Variants in LRP5 observed in about 807,000 individuals in gnomAD.
LRP5 encodes the protein low-density lipoprotein receptor-related protein 5.
LRP5 carries 62 observed loss-of-function variants against 154.1 expected under a neutral mutation model. The ratio of observed to expected loss-of-function variants is 0.40; its 90% CI spans 0.33 to 0.50. The LOEUF (loss-of-function observed/expected upper bound fraction) is 0.50. Among genes scored for constraint, LRP5 ranks in the 20% least tolerant of loss-of-function variants. The pLI, the probability that LRP5 is intolerant of heterozygous loss-of-function variation, is 0.55. For synonymous variants in LRP5, 966 were observed against 1,011.5 expected, an observed-to-expected ratio of 0.96 and a Z score of 0.85; for missense variants, 1,915 against 2,336.7, an observed-to-expected ratio of 0.82 and a Z score of 3.72.
At chr11:68,323,220 TGCCTCA>T (rs2098597746) in intron 1 of LRP5, among the ~76,000 whole-genome samples, 1 of 152,022 alleles carries the variant, frequency 6.6e-6, no homozygotes, top group Non-Finnish European at 1.5e-5. Flanking sequence ...GCAGTTCTCC[TGCCTCA>T]GCTTCCTGAG....
chr11:68,441,726 A>G (rs892318223), intron 21 of LRP5, among the ~76,000 whole-genome samples: 4 of 152,212 alleles, frequency 2.6e-5, no homozygotes, highest in Non-Finnish European at 4.4e-5. Flanking sequence ...CTGAGCAGCC[A>G]GCTAATTTTT....
intron 17 of LRP5, among the ~76,000 whole-genome samples, chr11:68,433,358 C>T (rs975817654): frequency 2.0e-5 from 3 of 152,206 alleles, no homozygotes; most frequent in African/African-American, 4.8e-5. Flanking sequence ...GAAAAACATA[C>T]GGATGCATGT....
intron 1 of LRP5, among the ~76,000 whole-genome samples, chr11:68,343,736 C>T (rs926821456): frequency 3.3e-5 from 5 of 152,158 alleles, no homozygotes; most frequent in Non-Finnish European, 5.9e-5. Flanking sequence ...CCCCTCCTGC[C>T]CTCAGGCCTC....
intron 1 of LRP5, among the ~76,000 whole-genome samples, chr11:68,346,649 C>T (rs541674806): frequency 4.6e-5 from 7 of 152,328 alleles, no homozygotes; most frequent in South Asian, 4.1e-4. Context: ...CCCCCATCTG[C>T]GCAGGAGGAC....
upstream of LRP5, among the ~76,000 whole-genome samples, chr11:68,311,234 T>C (rs1462841288): frequency 1.3e-5 from 2 of 152,198 alleles, no homozygotes; most frequent in African/African-American, 4.8e-5. Flanking sequence ...GTGGGGTGCA[T>C]TCTCGATTCC....
intron 17 of LRP5, among the ~76,000 whole-genome samples, chr11:68,432,595 T>G (rs757861654): frequency 3.3e-5 from 5 of 152,206 alleles, no homozygotes; most frequent in Non-Finnish European, 5.9e-5. Flanking sequence ...GAAACCGATG[T>G]TTTTTACCTT....
chr11:68,380,865 C>T (rs1364833609), intron 5 of LRP5, among the ~76,000 whole-genome samples: 3 of 152,256 alleles, frequency 2.0e-5, no homozygotes, highest in Non-Finnish European at 4.4e-5. Context: ...TCCACTGAAG[C>T]GCTCCTCTTA....
intron 21 of LRP5, chr11:68,445,738 T>C: frequency 8.9e-7 from 1 of 1,128,938 alleles, no homozygotes; most frequent in Non-Finnish European, 1.2e-6. Context: ...CCTTCCTCCC[T>C]TTGTAGGGCT....
intron 3 of LRP5, among the ~76,000 whole-genome samples, chr11:68,359,069 T>C (rs2098625559): frequency 1.3e-5 from 2 of 152,228 alleles, no homozygotes; most frequent in Admixed American, 1.3e-4. Flanking sequence ...GTGTTAGTTA[T>C]CCATTGCTGT....
chr11:68,427,975 T>TTTTATTTTA (rs2098669784), intron 16 of LRP5, among the ~76,000 whole-genome samples: 2 of 43,420 alleles, frequency 4.6e-5, no homozygotes, highest in African/African-American at 1.2e-4. Context: ...ATTTTATTTT[T>TTTTATTTTA]TTTATTTATT....
the LRP5 span, among the ~76,000 whole-genome samples, chr11:68,299,360 G>A: frequency 6.6e-6 from 1 of 152,208 alleles, no homozygotes; most frequent in African/African-American, 2.4e-5. Context: ...CAAAGGAGGG[G>A]CCCAGCGTGC....
chr11:68,333,150 A>G (rs994677101), intron 1 of LRP5, among the ~76,000 whole-genome samples: 2 of 152,116 alleles, frequency 1.3e-5, no homozygotes, highest in Admixed American at 1.3e-4. Flanking sequence ...AGTAGGAGAG[A>G]CGCGTAGATG....
rs113057417 is a variant in LRP5, at chr11:68,378,623, G to A, written c.1016-7693G>A. Among the ~76,000 whole-genome samples, 145 of 152,160 alleles carry A rather than the reference G, an allele frequency of 9.5e-4. 1 individual carries two copies. Among genetic ancestry groups the A allele is most frequent in the African/African-American group, 3.2e-3 (131 of 41,506 alleles). Reference sequence around the variant, plus strand: ...CTTATAAAATAACATTTATACGTTCGCTGTAGCAAGGAAAACATTATAAAA... The same window carrying A: ...CTTATAAAATAACATTTATACGTTCACTGTAGCAAGGAAAACATTATAAAA... On this transcript the variant is annotated intron_variant, in intron 5 of 22. Coordinates refer to ENST00000294304, the MANE Select transcript of LRP5 (RefSeq NM_002335.4).
chr11:68,357,540 TGA>T, intron 2 of LRP5, 108 bp from the exon 3 acceptor site: 1 of 1,001,668 alleles, frequency 1.0e-6, no homozygotes, highest in South Asian at 1.4e-5. Context: ...TTCCGATGGG[TGA>T]GATTTTAGGG....
Position 68,431,397 on chromosome 11 carries a change from G to A in LRP5, c.3763+1697G>A, listed in dbSNP as rs548500375. Reference sequence around the variant, plus strand: ...TGGGATTACAGGCTCCCACCACCACGCCCGGCTAATTTTTGTATTTTCAGT... The same window carrying A: ...TGGGATTACAGGCTCCCACCACCACACCCGGCTAATTTTTGTATTTTCAGT... On this transcript the variant is annotated intron_variant, in intron 17 of 22. Coordinates refer to ENST00000294304, the MANE Select transcript of LRP5 (RefSeq NM_002335.4). 4.0e-5 allele frequency among the ~76,000 whole-genome samples: 6 copies of A among 151,792 alleles called. 1 individual carries two copies. The South Asian group carries it at 1.2e-3, about 32-fold the overall frequency.
intron 4 of LRP5, among the ~76,000 whole-genome samples, chr11:68,365,248 G>A (rs2098630306): frequency 8.6e-6 from 1 of 116,934 alleles, no homozygotes; most frequent in Non-Finnish European, 1.8e-5. Flanking sequence ...CTAGTCATAG[G>A]AGCTTGGTGG....
chr11:68,342,711 C>T (rs1302878180), intron 1 of LRP5, among the ~76,000 whole-genome samples: 1 of 152,216 alleles, frequency 6.6e-6, no homozygotes, highest in African/African-American at 2.4e-5. Context: ...GTCCCTGGGG[C>T]CTGCCGCTCC....
At chr11:68,383,777 G>T (rs1289486913) in intron 5 of LRP5, among the ~76,000 whole-genome samples, 1 of 152,200 alleles carries the variant, frequency 6.6e-6, no homozygotes, top group Non-Finnish European at 1.5e-5. Context: ...GTGTGGGGAG[G>T]AACAGCTTTC....
At chr11:68,349,027 CTTTTT>C (rs368502197) in intron 2 of LRP5, among the ~76,000 whole-genome samples, 1 of 123,586 alleles carries the variant, frequency 8.1e-6, no homozygotes, top group Non-Finnish European at 1.7e-5. Flanking sequence ...AGTTATGTTC[CTTTTT>C]TTTTTTTTTT....
Sources: gnomAD v4.1 joint callset for allele counts (sites outside exome capture counted in the v4.1 genomes callset) on GRCh38, gnomAD v4.1.1 for gene constraint, MANE v1.5 for transcripts, NCBI Gene and HGNC (gene_info 2026-07-23, HGNC 2026-07-21) for gene names.